The following ERH variants were observed in gnomAD, a reference collection of about 807,000 sequenced individuals.
ERH encodes the protein ERH mRNA splicing and mitosis factor, also known as enhancer of rudimentary homolog.
In ERH, 1 loss-of-function variant was observed where a neutral mutation model predicts 16.8. The ratio of observed to expected loss-of-function variants is 0.06; its 90% confidence interval spans 0.02 to 0.28. ERH has a LOEUF of 0.28. Ranked by LOEUF, ERH falls within the 10% of genes least tolerant of loss-of-function variation. ERH has a pLI of 1.00. For missense variants in ERH, 42 were observed against 127.5 expected (o/e 0.33, Z 3.23); for synonymous variants, 43 against 43.6 (o/e 0.99, Z 0.05).
intron 2 of ERH, among the ~76,000 whole-genome samples, chr14:69,391,187 A>G (rs1296781719): frequency 6.6e-6 from 1 of 152,254 alleles, no homozygotes; most frequent in African/African-American, 2.4e-5. Flanking sequence ...AAATGTTTAT[A>G]GCAGCTTTAT....
intron 1 of ERH, 152 bp downstream of exon 1, chr14:69,398,079 G>A: frequency 9.9e-7 from 1 of 1,007,648 alleles, no homozygotes; most frequent in South Asian, 1.4e-5. Context: ...TGGCGTCCCT[G>A]CGGCGGGAAG....
At chr14:69,385,224 A>G (rs925080934) in intron 3 of ERH, among the ~76,000 whole-genome samples, 1 of 152,308 alleles carries the variant, frequency 6.6e-6, no homozygotes, top group African/African-American at 2.4e-5. Context: ...ACTAGGAAAA[A>G]AATCCCATGA....
rs1251607932 is a variant in ERH, at chr14:69,381,767, CA to C, written c.213-1128del. Among the ~76,000 whole-genome samples the C allele has an allele frequency of 2.0e-5, 3 of 152,192 alleles. No homozygotes were observed. The East Asian group carries it at 5.8e-4, about 29-fold the overall frequency. ...GCAGTGGTGCCATCTTGGCTCACTG[CA>C]ACCTCTGCCACCTGGGTTCACATGA... On this transcript the variant is annotated intron_variant, in intron 3 of 3. Coordinates refer to ENST00000557016, the MANE Select transcript of ERH (RefSeq NM_004450.3).
Position 69,398,270 on chromosome 14 carries a change from C to A in ERH, c.-37G>T. 6.2e-7 allele frequency: 1 copy of A among 1,613,448 alleles called. No homozygotes were observed. Among genetic ancestry groups the A allele is most frequent in the East Asian group, 2.2e-5 (1 of 44,846 alleles). Reference sequence around the variant, plus strand: ...CTCTTCGCTACAGCAGCTGCCGACACCGCCGCCGTTACACGAGCTTAACTA... The same window carrying A: ...CTCTTCGCTACAGCAGCTGCCGACAACGCCGCCGTTACACGAGCTTAACTA... On this transcript the variant is annotated 5_prime_UTR_variant, in exon 1 of 4. Coordinates refer to ENST00000557016, the MANE Select transcript of ERH (RefSeq NM_004450.3).
At chr14:69,390,460 A>C (rs1015538867) in intron 2 of ERH, among the ~76,000 whole-genome samples, 2 of 152,228 alleles carry the variant, frequency 1.3e-5, no homozygotes, top group Admixed American at 6.5e-5. Flanking sequence ...TTCAACAAAG[A>C]ACAGTATTTT....
chr14:69,390,484 T>C (rs993241832), intron 2 of ERH, among the ~76,000 whole-genome samples: 7 of 152,162 alleles, frequency 4.6e-5, no homozygotes, highest in African/African-American at 1.4e-4. Context: ...CAAATGATGC[T>C]AGGACAACAG....
intron 2 of ERH, among the ~76,000 whole-genome samples, chr14:69,387,664 T>C (rs2045900081): frequency 1.5e-5 from 2 of 136,054 alleles, no homozygotes; most frequent in Admixed American, 1.6e-4. Context: ...TCTTAACAGG[T>C]TTTTCAGTAA....
intron 2 of ERH, among the ~76,000 whole-genome samples, chr14:69,393,755 C>G (rs1023756014): frequency 6.6e-6 from 1 of 152,184 alleles, no homozygotes; most frequent in Non-Finnish European, 1.5e-5. Flanking sequence ...GGCGCGGTGG[C>G]TCATGCTTGT....
chr14:69,398,058 A>G (rs1427925695), intron 1 of ERH, 173 bp downstream of exon 1: 15 of 833,436 alleles, frequency 1.8e-5, no homozygotes, highest in Non-Finnish European at 2.7e-5. Flanking sequence ...TCCGAGGCCT[A>G]GAGTCAGGCC....
chr14:69,396,427 A>G (rs772834027), intron 1 of ERH, among the ~76,000 whole-genome samples: 22 of 152,186 alleles, frequency 1.4e-4, no homozygotes, highest in Non-Finnish European at 2.8e-4. Flanking sequence ...ATGCTCGGCT[A>G]ATTTTGTCTT....
intron 1 of ERH, 164 bp from the exon 2 acceptor site, chr14:69,395,076 G>A (rs1882306816): frequency 9.9e-6 from 6 of 606,754 alleles, no homozygotes; most frequent in African/African-American, 1.9e-5. Flanking sequence ...TCCTCTGGGA[G>A]GCTGAGAGGG....
At position 69,380,503 on chromosome 14, in the gene ERH, A is replaced by AG; in HGVS notation, c.*34dup. The AG allele has an allele frequency of 7.1e-5, 79 of 1,110,992 alleles. No homozygotes were observed. The highest frequency in any genetic ancestry group is 9.0e-5 in the Non-Finnish European group (65 of 722,526). The allele number at this position is 1,110,992 out of a possible 1,614,324, so 68.8% of individuals were successfully genotyped here. ...GCACGCTGTACACACCTGTGTTCCA[A>AG]GCCCACCCCAACCCCCCCAGTGCTT... On this transcript the variant is annotated 3_prime_UTR_variant, in exon 4 of 4. Coordinates refer to ENST00000557016, the MANE Select transcript of ERH (RefSeq NM_004450.3).
At chr14:69,398,167 T>TGGG in intron 1 of ERH, 64 bp downstream of exon 1, 1 of 1,604,962 alleles carries the variant, frequency 6.2e-7, no homozygotes, top group Non-Finnish European at 8.5e-7. Context: ...GGAAAACGTA[T>TGGG]GGGGCTGGGG....
intron 1 of ERH, among the ~76,000 whole-genome samples, chr14:69,395,196 T>C (rs1336769210): frequency 6.6e-6 from 1 of 152,056 alleles, no homozygotes; most frequent in Non-Finnish European, 1.5e-5. Flanking sequence ...TCCCAGCACT[T>C]TGGAAGTCTA....
intron 2 of ERH, among the ~76,000 whole-genome samples, chr14:69,392,567 G>A (rs1479716530): frequency 1.3e-5 from 2 of 152,196 alleles, no homozygotes; most frequent in Non-Finnish European, 2.9e-5. Flanking sequence ...GTTTAGGGCA[G>A]GGCAGTGAAA....
intron 1 of ERH, among the ~76,000 whole-genome samples, chr14:69,395,893 T>C (rs1882322270): frequency 6.6e-6 from 1 of 152,228 alleles, no homozygotes; most frequent in African/African-American, 2.4e-5. Flanking sequence ...CAGACAGACT[T>C]GTCTTCCACT....
chr14:69,397,719 G>A (rs566648924), intron 1 of ERH, among the ~76,000 whole-genome samples: 105 of 152,156 alleles, frequency 6.9e-4, no homozygotes, highest in Non-Finnish European at 7.3e-4. Context: ...AGGAGTTCGA[G>A]ACCAGCCTGG....
At chr14:69,394,989 G>C (rs1466615310) in intron 1 of ERH, 77 bp from the exon 2 acceptor site, 1 of 1,013,792 alleles carries the variant, frequency 9.9e-7, no homozygotes, top group African/African-American at 1.6e-5. Flanking sequence ...ATCCCCATTT[G>C]TAATGCAATA....
intron 2 of ERH, among the ~76,000 whole-genome samples, chr14:69,388,019 C>T (rs1437917601): frequency 4.6e-5 from 7 of 152,086 alleles, no homozygotes; most frequent in East Asian, 1.9e-4. Context: ...CACTCCAGCC[C>T]GGGTGACAGA....
Sources: allele counts gnomAD v4.1 joint callset (sites outside exome capture counted in the v4.1 genomes callset), GRCh38; gene constraint gnomAD v4.1.1; transcripts MANE v1.5; gene names NCBI Gene and HGNC (gene_info 2026-07-23, HGNC 2026-07-21).